KIF6: variants seen among roughly 807,000 people sequenced by gnomAD.
KIF6 encodes kinesin family member 6, also known as kinesin-like protein KIF6.
Under a neutral mutation model 112.7 loss-of-function variants are expected in KIF6, and 106 were observed. That is an observed-to-expected ratio of 0.94 (90% CI 0.80 to 1.11). The LOEUF is 1.11. KIF6 is among the 50% of genes least tolerant of loss of function. The pLI is 0.00. For synonymous variants in KIF6, 339 were observed against 339.9 expected, an observed-to-expected ratio of 1.00 and a Z score of 0.03; for missense variants, 929 against 964.0, an observed-to-expected ratio of 0.96 and a Z score of 0.48.
At chr6:39,437,062 T>C (rs1318617405) in intron 13 of KIF6, among the ~76,000 whole-genome samples, 1 of 152,218 alleles carries the variant, frequency 6.6e-6, no homozygotes. Context: ...TTTGTAGTTC[T>C]CCTTGTAGAG....
At chr6:39,618,338 A>T (rs1332562205) in intron 5 of KIF6, among the ~76,000 whole-genome samples, 1 of 152,200 alleles carries the variant, frequency 6.6e-6, no homozygotes, top group Non-Finnish European at 1.5e-5. Context: ...AGCTGATCAC[A>T]TGACATTCGT....
intron 6 of KIF6, among the ~76,000 whole-genome samples, chr6:39,603,187 T>C (rs1339357704): frequency 3.3e-5 from 5 of 152,102 alleles, no homozygotes. Flanking sequence ...ATGGTGCAGA[T>C]TGTAAAAAGT....
At chr6:39,624,413 TTCTAA>T (rs1783987656) in intron 5 of KIF6, among the ~76,000 whole-genome samples, 1 of 152,210 alleles carries the variant, frequency 6.6e-6, no homozygotes, top group African/African-American at 2.4e-5. Flanking sequence ...CTGTACATTT[TTCTAA>T]AGAACAGAAT....
At chr6:39,382,285 C>G (rs1041036481) in intron 16 of KIF6, among the ~76,000 whole-genome samples, 8 of 152,114 alleles carry the variant, frequency 5.3e-5, no homozygotes, top group African/African-American at 1.9e-4. Flanking sequence ...AACCTAGTAA[C>G]CAATAGGAAG....
intron 15 of KIF6, among the ~76,000 whole-genome samples, chr6:39,392,243 AT>A (rs2150325258): frequency 6.6e-6 from 1 of 152,314 alleles, no homozygotes; most frequent in Admixed American, 6.5e-5. Context: ...TGACTGCTAC[AT>A]CCATTCCACA....
intron 3 of KIF6, among the ~76,000 whole-genome samples, chr6:39,648,225 G>GA (rs1199733431): frequency 2.7e-5 from 2 of 73,006 alleles, no homozygotes; most frequent in Admixed American, 1.6e-4. Flanking sequence ...GGGGCGGGCG[G>GA]GGGGGGGTGC....
intron 3 of KIF6, among the ~76,000 whole-genome samples, chr6:39,697,820 T>A (rs545280335): frequency 3.9e-5 from 6 of 152,276 alleles, no homozygotes; most frequent in African/African-American, 1.2e-4. Flanking sequence ...AGTGCTGGGA[T>A]TACAGGCATG....
rs549042682 is a variant in KIF6 at position 39,532,250 on chromosome 6, C to T, written c.1645+7753G>A. 5.9e-5 allele frequency among the ~76,000 whole-genome samples: 9 copies of T among 152,166 alleles called. No homozygotes were observed. In the East Asian group the frequency reaches 1.7e-3, roughly 29 times the overall value. ...TCTGTAATATGGAATAAAACAAGAACTTATAGGATAAAGATTAAATGAGTT... is the reference window on the plus strand; with the variant it reads ...TCTGTAATATGGAATAAAACAAGAATTTATAGGATAAAGATTAAATGAGTT... On this transcript the variant is annotated intron_variant, in intron 13 of 22. Coordinates refer to ENST00000287152, the MANE Select transcript of KIF6 (RefSeq NM_145027.6).
At chr6:39,468,562 C>T (rs191923034) in intron 13 of KIF6, among the ~76,000 whole-genome samples, 4 of 152,234 alleles carry the variant, frequency 2.6e-5, no homozygotes, top group Admixed American at 6.5e-5. Context: ...AATGGAATGA[C>T]ACACTGAAAT....
chr6:39,363,732 G>A (rs9394585), intron 16 of KIF6, among the ~76,000 whole-genome samples: 102,977 of 152,026 alleles, frequency 0.68, 35,066 homozygotes, highest in Admixed American at 0.69. Flanking sequence ...TTTATTTGTG[G>A]TAAGTGTTAT....
chr6:39,454,531 CAAAAAA>C (rs560119968), intron 13 of KIF6, among the ~76,000 whole-genome samples: 1 of 76,040 alleles, frequency 1.3e-5, no homozygotes, highest in East Asian at 4.2e-4. Flanking sequence ...CTGAGAGCAT[CAAAAAA>C]AAAAAAAAAA....
At chr6:39,670,717 C>T (rs1286117708) in intron 3 of KIF6, among the ~76,000 whole-genome samples, 1 of 152,262 alleles carries the variant, frequency 6.6e-6, no homozygotes, top group East Asian at 1.9e-4. Context: ...TAGGGTCTGG[C>T]TCACTCAAAA....
chr6:39,590,214 C>G (rs1781856823), intron 7 of KIF6, among the ~76,000 whole-genome samples: 1 of 152,068 alleles, frequency 6.6e-6, no homozygotes, highest in Non-Finnish European at 1.5e-5. Flanking sequence ...GCTGGGCTGA[C>G]AGTTGTGCAG....
chr6:39,419,571 A>G (rs1770197913), intron 15 of KIF6, among the ~76,000 whole-genome samples: 1 of 152,098 alleles, frequency 6.6e-6, no homozygotes, highest in East Asian at 1.9e-4. Context: ...TGCTAAGCAG[A>G]AGCTTTGGGA....
chr6:39,353,774 G>A (rs1764431845), intron 19 of KIF6: 1 of 278,042 alleles, frequency 3.6e-6, no homozygotes. Context: ...CTGGGCAGAT[G>A]GACCCAGTGG....
chr6:39,682,128 A>C (rs1787556134), intron 3 of KIF6, among the ~76,000 whole-genome samples: 2 of 152,212 alleles, frequency 1.3e-5, no homozygotes, highest in African/African-American at 4.8e-5. Context: ...TTATGTATGA[A>C]TCGGGGAGAC....
At chr6:39,522,583 A>C (rs1040663536) in intron 13 of KIF6, among the ~76,000 whole-genome samples, 10 of 151,736 alleles carry the variant, frequency 6.6e-5, no homozygotes, top group Non-Finnish European at 1.5e-4. Context: ...CTGCCCCTAC[A>C]CTCTCTGAGA....
intron 10 of KIF6, among the ~76,000 whole-genome samples, chr6:39,563,978 A>T (rs1309578948): frequency 1.3e-5 from 2 of 152,244 alleles, no homozygotes; most frequent in Non-Finnish European, 2.9e-5. Flanking sequence ...ACTTACAGGA[A>T]AAGTTAGACT....
intron 13 of KIF6, among the ~76,000 whole-genome samples, chr6:39,497,252 C>T (rs1379436772): frequency 6.6e-6 from 1 of 152,224 alleles, no homozygotes; most frequent in Non-Finnish European, 1.5e-5. Flanking sequence ...ATTAGAGTTA[C>T]ACTGCTACCC....
Sources: allele counts gnomAD v4.1 joint callset (sites outside exome capture counted in the v4.1 genomes callset), GRCh38; gene constraint gnomAD v4.1.1; transcripts MANE v1.5; gene names NCBI Gene and HGNC (gene_info 2026-07-23, HGNC 2026-07-21).